The following PCDHGB2 variants were observed in gnomAD, a reference collection of about 807,000 sequenced individuals.
PCDHGB2 encodes protocadherin gamma-B2.
Under a neutral mutation model 59.3 loss-of-function variants are expected in PCDHGB2, and 55 were observed. The observed-to-expected ratio is 0.93, with a 90% CI of 0.75 to 1.16. The LOEUF (loss-of-function observed/expected upper bound fraction) is 1.16, where lower values mean the gene tolerates loss of function less well. Ranked by LOEUF, PCDHGB2 falls within the 50% of genes most tolerant of loss-of-function variation. The pLI, the probability that PCDHGB2 is intolerant of heterozygous loss-of-function variation, is 0.00. For synonymous variants in PCDHGB2, 516 were observed against 512.0 expected, an observed-to-expected ratio of 1.01 and a Z score of -0.11; for missense variants, 1,228 against 1,198.5, an observed-to-expected ratio of 1.02 and a Z score of -0.36.
At chr5:141,418,876 C>A (rs917800201) in intron 1 of PCDHGB2, 1 of 1,613,844 alleles carries the variant, frequency 6.2e-7, no homozygotes. Context: ...AAGTTGTAGA[C>A]GAAAACGACA....
In PCDHGB2 at chr5:141,486,727, T is replaced by C; in HGVS notation, c.2422-8080T>C. ...TGAACCCCCAGACAGGAGCTGTTCA[T>C]GCTACTCGATCCTTTGACTATGAGC... On this transcript the variant is annotated intron_variant, in intron 1 of 3. Transcript: ENST00000522605. The surrounding 1 kb of genome is among the most constrained non-coding windows in gnomAD (Gnocchi z 5.0). 6.2e-7 allele frequency: 1 copy of C among 1,614,232 alleles called. No homozygotes were observed. Among genetic ancestry groups the C allele is most frequent in the Non-Finnish European group, 8.5e-7 (1 of 1,180,044 alleles).
intron 1 of PCDHGB2, among the ~76,000 whole-genome samples, chr5:141,478,999 A>C (rs1220971456): frequency 2.0e-5 from 3 of 152,194 alleles, no homozygotes. Context: ...ATTAAAACTA[A>C]TAGCTTTTTG....
intron 1 of PCDHGB2, chr5:141,423,846 C>G: frequency 1.6e-6 from 2 of 1,278,968 alleles, no homozygotes; most frequent in Non-Finnish European, 2.0e-6. Flanking sequence ...GATAATCTTT[C>G]AGAACGTTTT....
chr5:141,398,266 G>C, intron 1 of PCDHGB2: 1 of 1,439,368 alleles, frequency 6.9e-7, no homozygotes, highest in Non-Finnish European at 9.5e-7. Flanking sequence ...GGGCTCCGTA[G>C]TGGGGAACCT....
chr5:141,374,459 A>G (rs764751595), intron 1 of PCDHGB2: 2 of 1,613,448 alleles, frequency 1.2e-6, no homozygotes, highest in Non-Finnish European at 1.7e-6. Context: ...AATAGTGGAC[A>G]TTAATGACAA....
At chr5:141,365,677 A>C (rs753922826) in intron 1 of PCDHGB2, 1 of 1,613,140 alleles carries the variant, frequency 6.2e-7, no homozygotes, top group South Asian at 1.1e-5. Flanking sequence ...ATGACAACCC[A>C]CCCAATTTCC....
chr5:141,422,795 A>G lies in PCDHGB2; in HGVS notation c.2421+60239A>G, dbSNP rs543001807. ...CTCTATGCCCTACAATCCTTCGACTATGAGCAGTTTCGAGACTTAGAACTG... is the reference window on the plus strand; with the variant it reads ...CTCTATGCCCTACAATCCTTCGACTGTGAGCAGTTTCGAGACTTAGAACTG... On this transcript the variant is annotated intron_variant, in intron 1 of 3. Transcript: ENST00000522605. 14 of 1,614,198 alleles carry G rather than the reference A, an allele frequency of 8.7e-6. No homozygotes were observed. In the East Asian group the frequency reaches 1.8e-4, roughly 21 times the overall value.
intron 1 of PCDHGB2, among the ~76,000 whole-genome samples, chr5:141,442,702 T>A (rs1301940560): frequency 1.3e-5 from 2 of 152,342 alleles, no homozygotes; most frequent in African/African-American, 4.8e-5. Context: ...GACAAGAGTA[T>A]CAGACATGCC....
chr5:141,404,497 T>C, intron 1 of PCDHGB2: 1 of 1,613,930 alleles, frequency 6.2e-7, no homozygotes, highest in Non-Finnish European at 8.5e-7. Context: ...GTGTGCTGTA[T>C]GCTCTGTGCT....
Position 141,364,525 on chromosome 5 carries a change from C to A in PCDHGB2, c.2421+1969C>A, listed in dbSNP as rs763615712. 3 of 1,614,062 alleles carry A rather than the reference C, an allele frequency of 1.9e-6. No individual in the cohort carries two copies. In the East Asian group the frequency reaches 6.7e-5, roughly 36 times the overall value. ...AGGAGCTGGCGGAGCGCGGAGTCCG[C>A]ATCGTCTCCAGAGGTAGGACGCAGC... is the stretch of plus-strand genomic sequence containing the variant. On this transcript the variant is annotated intron_variant, in intron 1 of 3. Transcript: ENST00000522605.
chr5:141,360,897 C>T lies in PCDHGB2; in HGVS notation c.762C>T (p.Asp254=). ...TGTACAGGGTCACCCTGAGGGAGGA[C>T]GTGCCGCCGGGCTTCTTTGTGCTTC... ...QDVYRVTLRE[D]VPPGFFVLQV... is the part of the protein sequence containing the mutation. Residue 254 remains aspartate, a synonymous_variant, in exon 1 of 4, where the codon GAC becomes GAT. Coordinates refer to ENST00000522605, the MANE Select transcript of PCDHGB2 (RefSeq NM_018923.3). 2.5e-6 allele frequency: 4 copies of T among 1,614,016 alleles called. No homozygotes were observed. Among genetic ancestry groups the T allele is most frequent in the African/African-American group, 1.3e-5 (1 of 75,044 alleles).
At chr5:141,488,146 A>G (rs1458115635) in intron 1 of PCDHGB2, among the ~76,000 whole-genome samples, 2 of 152,164 alleles carry the variant, frequency 1.3e-5, no homozygotes, top group South Asian at 4.1e-4. Context: ...AACTAAAGGA[A>G]TAGAGAGGCA....
intron 1 of PCDHGB2, chr5:141,398,825 C>A (rs747230922): frequency 6.2e-7 from 1 of 1,613,994 alleles, no homozygotes; most frequent in South Asian, 1.1e-5. Flanking sequence ...ATCCAGGTAA[C>A]CGACGCCAAT....
chr5:141,368,944 T>G (rs1765945640), intron 1 of PCDHGB2, among the ~76,000 whole-genome samples: 5 of 152,236 alleles, frequency 3.3e-5, no homozygotes, highest in Admixed American at 3.3e-4. Context: ...TTCTGGTTAC[T>G]GTGAGTAGTT....
intron 1 of PCDHGB2, among the ~76,000 whole-genome samples, chr5:141,473,090 T>C (rs1426311051): frequency 3.9e-5 from 6 of 152,064 alleles, no homozygotes; most frequent in African/African-American, 1.4e-4. Context: ...TTATCCACTG[T>C]GAGTTGTATT....
chr5:141,482,510 T>A (rs2099563292), intron 1 of PCDHGB2, among the ~76,000 whole-genome samples: 3 of 121,012 alleles, frequency 2.5e-5, no homozygotes, highest in African/African-American at 3.5e-5. Context: ...GTACCCAGAG[T>A]ACAGTATGAG....
At chr5:141,376,187 T>C in intron 1 of PCDHGB2, 3 of 1,614,148 alleles carry the variant, frequency 1.9e-6, no homozygotes, top group Non-Finnish European at 2.5e-6. Flanking sequence ...CGCGGTCTCC[T>C]GCGTCTTCCT....
rs201458212 is a variant in PCDHGB2 at position 141,487,439 on chromosome 5, T to A, written c.2422-7368T>A. On this transcript the variant is annotated intron_variant, in intron 1 of 3. Coordinates refer to ENST00000522605, the MANE Select transcript of PCDHGB2 (RefSeq NM_018923.3). The surrounding 1 kb of genome is among the most constrained non-coding windows in gnomAD (Gnocchi z 5.0). ...TGGGATCCTCCGAATCCAGCTAGGG[T>A]CAGATGACCCTATCAAGTTTGTTGA... The A allele has an allele frequency of 1.5e-4, 242 of 1,613,808 alleles. No individual in the cohort carries two copies. Among genetic ancestry groups the A allele is most frequent in the Non-Finnish European group, 1.9e-4 (230 of 1,179,978 alleles).
At chr5:141,441,655 C>A in intron 1 of PCDHGB2, 1 of 247,430 alleles carries the variant, frequency 4.0e-6, no homozygotes. Context: ...TTCTAGGTGT[C>A]CTTGAGCGCA....
Sources: allele counts gnomAD v4.1 joint callset (sites outside exome capture counted in the v4.1 genomes callset), GRCh38; gene constraint gnomAD v4.1.1; non-coding constraint Gnocchi (gnomAD v3.1); transcripts MANE v1.5; gene names NCBI Gene and HGNC (gene_info 2026-07-23, HGNC 2026-07-21).